Variants in REEP3 observed in about 807,000 individuals in gnomAD.
The protein encoded by REEP3 is receptor accessory protein 3.
Under a neutral mutation model 41.3 loss-of-function variants are expected in REEP3, and 20 were observed. The observed-to-expected ratio is 0.48, with a 90% CI of 0.34 to 0.70. The LOEUF is 0.70. Ranked by LOEUF, REEP3 falls within the 30% of genes least tolerant of loss-of-function variation. The pLI is 0.01. For missense variants in REEP3, 271 were observed against 308.8 expected, an observed-to-expected ratio of 0.88 and a Z score of 0.92; for synonymous variants, 104 against 101.8, an observed-to-expected ratio of 1.02 and a Z score of -0.13.
At chr10:63,533,467 G>A (rs1387862079) in intron 1 of REEP3, among the ~76,000 whole-genome samples, 1 of 152,098 alleles carries the variant, frequency 6.6e-6, no homozygotes, top group Non-Finnish European at 1.5e-5. Context: ...ACACTTCCAA[G>A]TTGTTCATTC....
chr10:63,604,485 A>G (rs557066706), intron 5 of REEP3, among the ~76,000 whole-genome samples: 1 of 152,208 alleles, frequency 6.6e-6, no homozygotes, highest in African/African-American at 2.4e-5. Context: ...TCTTTAGCAG[A>G]TATAAGAAAT....
At chr10:63,574,713 A>G (rs1955882426) in intron 2 of REEP3, among the ~76,000 whole-genome samples, 1 of 151,778 alleles carries the variant, frequency 6.6e-6, no homozygotes, top group South Asian at 2.1e-4. Flanking sequence ...TCCAGACCCA[A>G]ACTTTCCTAG....
At chr10:63,595,203 G>A (rs1468582687) in intron 3 of REEP3, among the ~76,000 whole-genome samples, 1 of 152,152 alleles carries the variant, frequency 6.6e-6, no homozygotes, top group Admixed American at 6.5e-5. Context: ...GAAGCCCACA[G>A]CATCTGGTTT....
chr10:63,536,209 G>T (rs1386891324), intron 1 of REEP3, among the ~76,000 whole-genome samples: 4 of 152,110 alleles, frequency 2.6e-5, no homozygotes, highest in African/African-American at 7.2e-5. Context: ...TTGAGCTCCG[G>T]ACATAGACCT....
intron 2 of REEP3, among the ~76,000 whole-genome samples, chr10:63,581,264 A>C (rs1748026390): frequency 6.6e-6 from 1 of 152,200 alleles, no homozygotes; most frequent in East Asian, 1.9e-4. Flanking sequence ...CCTCCTAAAA[A>C]TATAAAAGCT....
chr10:63,590,151 G>A (rs573288563), intron 2 of REEP3, among the ~76,000 whole-genome samples: 75 of 152,108 alleles, frequency 4.9e-4, no homozygotes, highest in Non-Finnish European at 9.9e-4. Flanking sequence ...GGCTGGCCTC[G>A]AATTCCTGGG....
At chr10:63,565,116 C>T (rs778184605) in intron 1 of REEP3, among the ~76,000 whole-genome samples, 11 of 151,964 alleles carry the variant, frequency 7.2e-5, no homozygotes, top group African/African-American at 1.2e-4. Flanking sequence ...AAAAATTAGC[C>T]GGGCATAGTG....
chr10:63,601,666 C>G (rs952832507), intron 5 of REEP3, among the ~76,000 whole-genome samples: 1 of 152,276 alleles, frequency 6.6e-6, no homozygotes, highest in Middle Eastern at 3.4e-3. Context: ...CACCTGTAAT[C>G]CCAGCACTTT....
chr10:63,583,061 C>G (rs1955969578), intron 2 of REEP3, among the ~76,000 whole-genome samples: 1 of 152,200 alleles, frequency 6.6e-6, no homozygotes, highest in East Asian at 1.9e-4. Context: ...TCTCAGCTCA[C>G]TGCAACCTCC....
At position 63,622,301 on chromosome 10, in the gene REEP3, A is replaced by G. The variant is rs1956360104; in HGVS notation, c.*1432A>G. ...GACTTCCTCAGAGTATTGGCCAAGA[A>G]CATAATGTTTACACAGGAGTACCTT... On this transcript the variant is annotated 3_prime_UTR_variant, in exon 8 of 8. Coordinates refer to ENST00000373758, the MANE Select transcript of REEP3 (RefSeq NM_001001330.3). 1 of 152,212 alleles carries G rather than the reference A, an allele frequency of 6.6e-6. No individual in the cohort carries two copies. Among genetic ancestry groups the G allele is most frequent in the Non-Finnish European group, 1.5e-5 (1 of 68,036 alleles). The allele number at this position is 152,212 out of a possible 1,614,324, so 9.4% of individuals were successfully genotyped here.
chr10:63,548,111 C>T (rs960622964), intron 1 of REEP3, among the ~76,000 whole-genome samples: 5 of 152,064 alleles, frequency 3.3e-5, no homozygotes, highest in Non-Finnish European at 7.4e-5. Context: ...CTGTGTTCAG[C>T]GGGGACTGGA....
intron 3 of REEP3, among the ~76,000 whole-genome samples, chr10:63,595,296 A>G (rs1956103372): frequency 6.6e-6 from 1 of 152,202 alleles, no homozygotes; most frequent in Non-Finnish European, 1.5e-5. Flanking sequence ...GTGGACACCC[A>G]CTCAGCACTA....
At chr10:63,576,067 G>A (rs1348902791) in intron 2 of REEP3, among the ~76,000 whole-genome samples, 2 of 152,100 alleles carry the variant, frequency 1.3e-5, no homozygotes, top group Non-Finnish European at 2.9e-5. Context: ...TCTTTCGTTT[G>A]AATTCTGTTT....
Position 63,620,840 on chromosome 10 carries a change from G to C in REEP3, c.739G>C (p.Val247Leu), listed in dbSNP as rs1318265828. The C allele has an allele frequency of 6.2e-7, 1 of 1,608,368 alleles. No individual in the cohort carries two copies. The highest frequency in any genetic ancestry group is 1.1e-5 in the South Asian group (1 of 90,340). Residue 247 changes from valine to leucine, a missense_variant, in exon 8 of 8, where the codon GTG (valine) becomes CTG (leucine). Transcript: ENST00000373758. ...GCGGTACGGGTCACTAAAATACAAA[G>C]TGAAGAAACGACCACAAGTGTATTT... ...EVRYGSLKYK[V>L]KKRPQVYF
intron 1 of REEP3, among the ~76,000 whole-genome samples, chr10:63,552,281 C>A (rs1955636492): frequency 6.6e-6 from 1 of 151,798 alleles, no homozygotes; most frequent in Non-Finnish European, 1.5e-5. Flanking sequence ...TGTGGTGGCA[C>A]ATACCTGTAG....
At chr10:63,579,813 T>G (rs538376352) in intron 2 of REEP3, among the ~76,000 whole-genome samples, 128 of 152,304 alleles carry the variant, frequency 8.4e-4, no homozygotes, top group African/African-American at 2.7e-3. Flanking sequence ...GAGGGAGGCC[T>G]AGCCACCCCC....
chr10:63,598,400 C>G (rs1317885676), intron 4 of REEP3, among the ~76,000 whole-genome samples: 1 of 143,554 alleles, frequency 7.0e-6, no homozygotes, highest in Non-Finnish European at 1.5e-5. Flanking sequence ...AGGAGAATCG[C>G]TTGAACCCAG....
intron 2 of REEP3, among the ~76,000 whole-genome samples, chr10:63,572,998 T>C (rs2133381568): frequency 6.6e-6 from 1 of 152,356 alleles, no homozygotes; most frequent in South Asian, 2.1e-4. Flanking sequence ...AAACCCAGTT[T>C]CTTTGTGGTA....
intron 2 of REEP3, among the ~76,000 whole-genome samples, chr10:63,587,107 A>T (rs908685072): frequency 6.6e-6 from 1 of 152,014 alleles, no homozygotes; most frequent in Non-Finnish European, 1.5e-5. Context: ...GTAGAAGAGG[A>T]TTGCTGCTGA....
Sources: allele counts gnomAD v4.1 joint callset (sites outside exome capture counted in the v4.1 genomes callset), GRCh38; gene constraint gnomAD v4.1.1; transcripts MANE v1.5; gene names NCBI Gene and HGNC (gene_info 2026-07-23, HGNC 2026-07-21).